Variants in PRDM16 observed in about 807,000 individuals in gnomAD.
The protein encoded by PRDM16 is histone-lysine N-methyltransferase PRDM16.
In PRDM16, 23 loss-of-function variants were observed where a neutral mutation model predicts 110.6. That is an observed-to-expected ratio of 0.21 (90% CI 0.15 to 0.29). PRDM16 has a LOEUF of 0.29. PRDM16 is among the 10% of genes least tolerant of loss of function. The pLI is 1.00. For synonymous variants in PRDM16, 799 were observed against 781.8 expected, an observed-to-expected ratio of 1.02 and a Z score of -0.37; for missense variants, 1,615 against 1,794.3, an observed-to-expected ratio of 0.90 and a Z score of 1.81.
chr1:3,134,273 C>T (rs1201030002), intron 1 of PRDM16, among the ~76,000 whole-genome samples: 1 of 152,138 alleles, frequency 6.6e-6, no homozygotes, highest in Non-Finnish European at 1.5e-5. Flanking sequence ...AGCTGGGGGA[C>T]GGAGCTTCCC....
At chr1:3,263,636 G>GCT (rs1222757280) in intron 3 of PRDM16, among the ~76,000 whole-genome samples, 1 of 152,246 alleles carries the variant, frequency 6.6e-6, no homozygotes, top group Non-Finnish European at 1.5e-5. Flanking sequence ...ACAGCTCTCT[G>GCT]CTGGCTCCTG....
intron 1 of PRDM16, among the ~76,000 whole-genome samples, chr1:3,087,203 G>A (rs1041083410): frequency 2.1e-5 from 3 of 145,092 alleles, no homozygotes; most frequent in Non-Finnish European, 4.5e-5. Flanking sequence ...CCCGAGACCA[G>A]CCCCACCCGA....
chr1:3,316,421 A>G (rs944584298), intron 3 of PRDM16, among the ~76,000 whole-genome samples: 7 of 152,348 alleles, frequency 4.6e-5, no homozygotes, highest in African/African-American at 1.7e-4. Flanking sequence ...CCAGGGAAGA[A>G]TGGGCACTTA....
chr1:3,074,571 G>A (rs1453638817), intron 1 of PRDM16, among the ~76,000 whole-genome samples: 1 of 152,144 alleles, frequency 6.6e-6, no homozygotes, highest in South Asian at 2.1e-4. Context: ...CTGGACTCCC[G>A]CTGGGCTCCG....
chr1:3,278,652 A>G (rs1164584439), intron 3 of PRDM16, among the ~76,000 whole-genome samples: 4 of 152,278 alleles, frequency 2.6e-5, no homozygotes, highest in African/African-American at 9.6e-5. Flanking sequence ...GGCAGCCACA[A>G]GGCCGCCCTC....
At chr1:3,270,136 G>C (rs1640405065) in intron 3 of PRDM16, among the ~76,000 whole-genome samples, 1 of 147,466 alleles carries the variant, frequency 6.8e-6, no homozygotes, top group Admixed American at 6.7e-5. Flanking sequence ...TCGGGGAGGA[G>C]TACAGTCCCG....
intron 1 of PRDM16, among the ~76,000 whole-genome samples, chr1:3,135,878 C>G (rs2100692310): frequency 6.6e-6 from 1 of 152,372 alleles, no homozygotes; most frequent in South Asian, 2.1e-4. Context: ...CTCTTCAATG[C>G]TCCTTGTTGT....
At chr1:3,401,812 G>T (rs1643477451) in intron 5 of PRDM16, among the ~76,000 whole-genome samples, 1 of 152,310 alleles carries the variant, frequency 6.6e-6, no homozygotes, top group East Asian at 1.9e-4. Context: ...ACACACAGAT[G>T]CACACATGCC....
In PRDM16 at chr1:3,186,238, C is replaced by A; in HGVS notation, c.151C>A (p.Pro51Thr). The A allele has an allele frequency of 1.2e-6, 2 of 1,612,428 alleles. No homozygotes were observed. Among genetic ancestry groups the A allele is most frequent in the Non-Finnish European group, 1.7e-6 (2 of 1,179,716 alleles). The part of the protein sequence containing the change: ...SAMSPIPVGP[P>T]SPFPTSEDFT... Reference sequence around the variant, plus strand: ...CATGTCGCCCATCCCCGTGGGGCCACCGTCCCCCTTCCCCACCAGCGAGGA... The same window carrying A: ...CATGTCGCCCATCCCCGTGGGGCCAACGTCCCCCTTCCCCACCAGCGAGGA... The change falls in exon 2 of 17, where the codon CCG (proline) becomes ACG (threonine). Residue 51 changes from proline (P) to threonine (T), a missense_variant. This residue lies in a region of PRDM16 where 416 missense variants were observed against 467.1 expected (regional missense o/e 0.89). Transcript: ENST00000270722.
At chr1:3,222,153 C>T (rs1639164827) in intron 2 of PRDM16, among the ~76,000 whole-genome samples, 1 of 152,342 alleles carries the variant, frequency 6.6e-6, no homozygotes, top group Non-Finnish European at 1.5e-5. Flanking sequence ...GTGCCGTGAC[C>T]TTGAGCTCAG....
At chr1:3,150,646 C>T (rs1270917323) in intron 1 of PRDM16, among the ~76,000 whole-genome samples, 3 of 152,138 alleles carry the variant, frequency 2.0e-5, no homozygotes, top group African/African-American at 7.2e-5. Flanking sequence ...CCACCCACTG[C>T]GGACTCCCCT....
At position 3,417,991 on chromosome 1, in the gene PRDM16, C is replaced by T. The variant is rs749180764; in HGVS notation, c.2855C>T (p.Thr952Met). ...CTCAGGAAGGGCAAGGAGCGATACA[C>T]GTGCAGGTGAGGGGCCCTTTGGTGC... Reference protein sequence around the residue: ...PILRKGKERYTCRYCGKIFPR... With the variant: ...PILRKGKERYMCRYCGKIFPR... The change falls in exon 11 of 17, where the codon ACG becomes ATG. Residue 952 changes from threonine to methionine, a missense_variant. Thr to Met is a moderately conservative substitution (Grantham distance 81). Coordinates refer to ENST00000270722, the MANE Select transcript of PRDM16 (RefSeq NM_022114.4). 16 of 1,610,876 alleles carry T rather than the reference C, an allele frequency of 9.9e-6. No individual in the cohort carries two copies. The highest frequency in any genetic ancestry group is 6.7e-5 in the East Asian group (3 of 44,804).
intron 3 of PRDM16, among the ~76,000 whole-genome samples, chr1:3,274,003 A>T (rs946308140): frequency 6.8e-6 from 1 of 147,374 alleles, no homozygotes; most frequent in Non-Finnish European, 1.5e-5. Flanking sequence ...AAAAAAAGCC[A>T]CTGAAAGGGA....
At chr1:3,183,594 G>T (rs1375439247) in intron 1 of PRDM16, among the ~76,000 whole-genome samples, 5 of 152,230 alleles carry the variant, frequency 3.3e-5, no homozygotes, top group Admixed American at 6.5e-5. Flanking sequence ...GGGAAGGGAG[G>T]CCGGGGGCCC....
intron 4 of PRDM16, among the ~76,000 whole-genome samples, chr1:3,392,827 C>T (rs76549526): frequency 0.036 from 5,423 of 152,310 alleles, 285 homozygotes; most frequent in African/African-American, 0.12. Flanking sequence ...CTGTTGAGAA[C>T]GTGGCCATTT....
intron 3 of PRDM16, among the ~76,000 whole-genome samples, chr1:3,283,556 G>A (rs528611766): frequency 1.4e-4 from 22 of 152,268 alleles, no homozygotes; most frequent in African/African-American, 4.8e-4. Flanking sequence ...GAGAGGGGAC[G>A]GACAGCGAAG....
In PRDM16 at chr1:3,213,187, G is replaced by A. The variant is rs1397077552; in HGVS notation, c.387+26713G>A. Among the ~76,000 whole-genome samples, 2 of 152,228 alleles carry A rather than the reference G, an allele frequency of 1.3e-5. No homozygotes were observed. Among genetic ancestry groups the A allele is most frequent in the East Asian group, 1.9e-4 (1 of 5,192 alleles). ...CAACAGCAACAGAAACACAGATTTG[G>A]AGATCCCCAAATTAGCCAATAAACA... On this transcript the variant is annotated intron_variant, in intron 2 of 16. Transcript: ENST00000270722. This position sits in a 1 kb window ranked among gnomAD's most constrained non-coding sequence, Gnocchi z 5.3.
chr1:3,273,432 G>T (rs1346060272), intron 3 of PRDM16, among the ~76,000 whole-genome samples: 1 of 145,872 alleles, frequency 6.9e-6, no homozygotes, highest in Non-Finnish European at 1.5e-5. Flanking sequence ...ATGAGGGTGC[G>T]TGCACATGTG....
In PRDM16 at chr1:3,290,676, A is replaced by G. The variant is rs117228771; in HGVS notation, c.438+46539A>G. Among the ~76,000 whole-genome samples the G allele has an allele frequency of 7.6e-4, 115 of 152,294 alleles. 3 individuals are homozygous for G. In the East Asian group the frequency reaches 0.021, roughly 27 times the overall value. Reference sequence around the variant, plus strand: ...CGCTGGCTGAAGGAGCACTGTCCCCACAACCCAGGGAAACAACAGGGCTCC... The same window carrying G: ...CGCTGGCTGAAGGAGCACTGTCCCCGCAACCCAGGGAAACAACAGGGCTCC... On this transcript the variant is annotated intron_variant, in intron 3 of 16. Coordinates refer to ENST00000270722, the MANE Select transcript of PRDM16 (RefSeq NM_022114.4). This position sits in a 1 kb window ranked among gnomAD's most constrained non-coding sequence, Gnocchi z 4.8.
Sources: allele counts gnomAD v4.1 joint callset (sites outside exome capture counted in the v4.1 genomes callset), GRCh38; gene constraint gnomAD v4.1.1; regional missense constraint gnomAD v4.1.1; non-coding constraint Gnocchi (gnomAD v3.1); transcripts MANE v1.5; gene names NCBI Gene and HGNC (gene_info 2026-07-23, HGNC 2026-07-21).